ENTR1: variants seen among roughly 807,000 people sequenced by gnomAD.
The protein encoded by ENTR1 is endosome associated trafficking regulator 1, also known as endosome-associated-trafficking regulator 1.
Under a neutral mutation model 47.9 loss-of-function variants are expected in ENTR1, and 47 were observed. That is an observed-to-expected ratio of 0.98 (90% CI 0.78 to 1.25). The LOEUF (loss-of-function observed/expected upper bound fraction) is 1.25. ENTR1 is among the 50% of genes most tolerant of loss of function. The pLI is 0.00. For missense variants in ENTR1, 668 were observed against 570.5 expected, an observed-to-expected ratio of 1.17 and a Z score of -1.74; for synonymous variants, 290 against 245.8, an observed-to-expected ratio of 1.18 and a Z score of -1.68.
At chr9:136,407,064 A>G in intron 5 of ENTR1, 81 bp downstream of exon 5, 1 of 1,381,856 alleles carries the variant, frequency 7.2e-7, no homozygotes, top group Non-Finnish European at 9.8e-7. Flanking sequence ...GCCACCCAAG[A>G]GGTAGGATGG....
rs144080886 is a variant in ENTR1, at chr9:136,410,538, C to G, written c.-141G>C. On this transcript the variant is annotated 5_prime_UTR_variant, in exon 1 of 10. Transcript: ENST00000357365. ...CGCCGCTCGGCCGCCCCCGCGCCTC[C>G]GAGCCTCTCGCCGCTGCTTCCGCTC... The G allele has an allele frequency of 0.027, 29,334 of 1,088,304 alleles. 509 individuals carry two copies. Among genetic ancestry groups the G allele is most frequent in the Middle Eastern group, 0.08 (253 of 3,152 alleles). The allele number at this position is 1,088,304 out of a possible 1,614,324, so 67.4% of individuals were successfully genotyped here. A position where few individuals can be genotyped will look rare whatever the true frequency, so the allele number is the denominator to read the frequency against.
At position 136,410,436 on chromosome 9, in the gene ENTR1, C is replaced by G. The variant is rs943123727; in HGVS notation, c.-39G>C. On this transcript the variant is annotated 5_prime_UTR_variant, in exon 1 of 10. Coordinates refer to ENST00000357365, the MANE Select transcript of ENTR1 (RefSeq NM_001039707.2). ...GCGGGGCACGACCTGCCTAGCCCGG[C>G]AGCGGCGGCTCCATGGCCCCGGCTC... 1.7e-5 allele frequency: 20 copies of G among 1,189,946 alleles called. No homozygotes were observed. Among genetic ancestry groups the G allele is most frequent in the Non-Finnish European group, 2.1e-5 (20 of 960,410 alleles). The allele number at this position is 1,189,946 out of a possible 1,614,324, so 73.7% of individuals were successfully genotyped here.
In ENTR1 at chr9:136,404,650, T is replaced by G. The variant is rs372635556; in HGVS notation, c.1049A>C (p.Gln350Pro). ...AATTACCTGGAGCAAACTGATTTCC[T>G]GTTTTAGTTTCACGACGTGGTTTTC... ...KAENHVVKLK[Q>P]EISLLQAQVS... Residue 350 changes from glutamine (Q) to proline (P), a missense_variant, in exon 8 of 10, where the codon CAG (glutamine) becomes CCG (proline). Gln to Pro is a moderately conservative substitution (Grantham distance 76). Coordinates refer to ENST00000357365, the MANE Select transcript of ENTR1 (RefSeq NM_001039707.2). The G allele has an allele frequency of 3.1e-6, 5 of 1,614,146 alleles. No homozygotes were observed. The East Asian group carries it at 1.1e-4, about 36-fold the overall frequency.
chr9:136,409,136 T>C, intron 2 of ENTR1, 69 bp from the exon 3 acceptor site: 1 of 1,412,928 alleles, frequency 7.1e-7, no homozygotes, highest in Non-Finnish European at 1.0e-6. Flanking sequence ...GGTTTTTTTC[T>C]TTTGCACATG....
In ENTR1 at chr9:136,405,987, A is replaced by C. The variant is rs370589830; in HGVS notation, c.820-9T>G. ...GAATTTTCATCTTTCAGCTGTGGAG[A>C]GAGAACATCCTTATTAGAAAGTCAG... On this transcript the variant is annotated splice_polypyrimidine_tract_variant and intron_variant, in intron 5 of 9. Transcript: ENST00000357365. 1 of 1,603,394 alleles carries C rather than the reference A, an allele frequency of 6.2e-7. No homozygotes were observed. Among genetic ancestry groups the C allele is most frequent in the East Asian group, 2.2e-5 (1 of 44,654 alleles).
At chr9:136,409,955 G>T in intron 2 of ENTR1, 135 bp downstream of exon 2, 2 of 1,106,092 alleles carry the variant, frequency 1.8e-6, no homozygotes, top group Non-Finnish European at 2.7e-6. Context: ...CTCCGCCTTT[G>T]AATTCCGAGT....
At position 136,410,115 on chromosome 9, in the gene ENTR1, C is replaced by G; in HGVS notation, c.195G>C (p.Pro65=). Residue 65 remains proline, a synonymous_variant, in exon 2 of 10, where the codon CCG becomes CCC. Transcript: ENST00000357365. ...CTGTGTCTCCCACGGAAGCCAGCAC[C>G]GGGCTGGGCACATAGCACATAAAGG... ...RPAFMCYVPS[P]VLASVGDTDF... is the part of the protein sequence containing the mutation. The G allele has an allele frequency of 6.2e-7, 1 of 1,612,832 alleles. No homozygotes were observed. Among genetic ancestry groups the G allele is most frequent in the Non-Finnish European group, 8.5e-7 (1 of 1,179,938 alleles).
chr9:136,407,005 T>A, intron 5 of ENTR1, 140 bp downstream of exon 5: 1 of 790,770 alleles, frequency 1.3e-6, no homozygotes, highest in South Asian at 1.9e-5. Flanking sequence ...AAAGGGAAAG[T>A]GGATAGCAGG....
chr9:136,404,508 G>A (rs1834665233), intron 8 of ENTR1, 123 bp downstream of exon 8: 1 of 1,062,340 alleles, frequency 9.4e-7, no homozygotes, highest in African/African-American at 1.6e-5. Context: ...GTCCTCATTT[G>A]AAGTCCTTTC....
intron 6 of ENTR1, 24 bp from the exon 7 acceptor site, chr9:136,405,226 G>A: frequency 1.9e-6 from 3 of 1,564,844 alleles, no homozygotes; most frequent in South Asian, 2.2e-5. Context: ...AACCCGAGTT[G>A]TTAATTTCTG....
chr9:136,407,104 G>A (rs368493343), intron 5 of ENTR1, 41 bp downstream of exon 5: 46 of 1,535,422 alleles, frequency 3.0e-5, no homozygotes, highest in East Asian at 4.5e-5. Context: ...GAAGCCGCTC[G>A]GACAGGCGCT....
rs1315993368 is a variant in ENTR1, at chr9:136,410,462, CGCCCGTGCCGCG to C, written c.-77_-66del. 9.1e-5 allele frequency: 93 copies of C among 1,026,310 alleles called. No individual in the cohort carries two copies. The highest frequency in any genetic ancestry group is 1.1e-4 in the Non-Finnish European group (92 of 849,938). The allele number at this position is 1,026,310 out of a possible 1,614,324, so 63.6% of individuals were successfully genotyped here. A position where few individuals can be genotyped will look rare whatever the true frequency, so the allele number is the denominator to read the frequency against. ...AGCGGCGGCTCCATGGCCCCGGCTC[CGCCCGTGCCGCG>C]GCCCGCGTCGCCCGCCCCCGTCGCC... On this transcript the variant is annotated 5_prime_UTR_variant, in exon 1 of 10. Coordinates refer to ENST00000357365, the MANE Select transcript of ENTR1 (RefSeq NM_001039707.2).
chr9:136,403,351 G>A (rs1167964176), intron 9 of ENTR1, among the ~76,000 whole-genome samples: 1 of 103,902 alleles, frequency 9.6e-6, no homozygotes. Context: ...GTTCCAGGGA[G>A]CAAGGGGTGG....
At chr9:136,405,266 T>A (rs1463529578) in intron 6 of ENTR1, 64 bp from the exon 7 acceptor site, 1 of 1,306,922 alleles carries the variant, frequency 7.7e-7, no homozygotes. Context: ...TACAAAAAGA[T>A]ACCTCATGAG....
intron 5 of ENTR1, among the ~76,000 whole-genome samples, chr9:136,406,528 G>A (rs1304411702): frequency 6.6e-6 from 1 of 151,736 alleles, no homozygotes; most frequent in Non-Finnish European, 1.5e-5. Context: ...CTAGGCTGGA[G>A]TACAGTGGCG....
In ENTR1 at chr9:136,410,218, C is replaced by A; in HGVS notation, c.92G>T (p.Arg31Leu). Reference protein sequence around the residue: ...IPDAPAFYERRSCLPQLNCER... With the variant: ...IPDAPAFYERLSCLPQLNCER... ...ACAATTTAGCTGGGGGAGACAAGACCGGCGCTCATAGAACGCTGGAGCTGG... is the reference window on the plus strand; with the variant it reads ...ACAATTTAGCTGGGGGAGACAAGACAGGCGCTCATAGAACGCTGGAGCTGG... Residue 31 changes from arginine (R) to leucine (L), a missense_variant, in exon 2 of 10, where the codon CGG becomes CTG. Arg to Leu is a moderately radical substitution (Grantham distance 102, BLOSUM62 -2). Coordinates refer to ENST00000357365, the MANE Select transcript of ENTR1 (RefSeq NM_001039707.2). 1 of 1,589,480 alleles carries A rather than the reference C, an allele frequency of 6.3e-7. No homozygotes were observed. The highest frequency in any genetic ancestry group is 1.1e-5 in the South Asian group (1 of 88,054).
intron 4 of ENTR1, 91 bp from the exon 5 acceptor site, chr9:136,407,652 A>G: frequency 1.4e-6 from 2 of 1,474,104 alleles, no homozygotes; most frequent in Non-Finnish European, 1.8e-6. Context: ...CAACAAGAAG[A>G]AAGGCCCAAT....
At chr9:136,405,594 T>C (rs1329292051) in intron 6 of ENTR1, among the ~76,000 whole-genome samples, 1 of 152,116 alleles carries the variant, frequency 6.6e-6, no homozygotes, top group Non-Finnish European at 1.5e-5. Context: ...ATTTAAAAAT[T>C]AGCCAGGTGC....
chr9:136,409,143 C>A, intron 2 of ENTR1, 76 bp from the exon 3 acceptor site: 1 of 1,265,990 alleles, frequency 7.9e-7, no homozygotes, highest in Non-Finnish European at 1.2e-6. Context: ...TTCTTTTGCA[C>A]ATGGAGTCTC....
Sources: allele counts gnomAD v4.1 joint callset (sites outside exome capture counted in the v4.1 genomes callset), GRCh38; gene constraint gnomAD v4.1.1; transcripts MANE v1.5; gene names NCBI Gene and HGNC (gene_info 2026-07-23, HGNC 2026-07-21).